The following THBS4 variants were observed in gnomAD, a reference collection of about 807,000 sequenced individuals.
THBS4 encodes thrombospondin 4.
THBS4 carries 90 observed loss-of-function variants against 115.7 expected under a neutral mutation model. That is an observed-to-expected ratio of 0.78 (90% CI 0.66 to 0.93). The LOEUF is 0.93. Ranked by LOEUF, THBS4 falls within the 40% of genes least tolerant of loss-of-function variation. The pLI is 0.00. For missense variants in THBS4, 1,087 were observed against 1,232.7 expected (o/e 0.88, Z 1.77); for synonymous variants, 460 against 479.3 (o/e 0.96, Z 0.53).
At chr5:80,047,782 C>T (rs974420479) in intron 2 of THBS4, among the ~76,000 whole-genome samples, 1 of 151,664 alleles carries the variant, frequency 6.6e-6, no homozygotes, top group African/African-American at 2.4e-5. Flanking sequence ...TACAGGCAGG[C>T]GCCACCACAC....
At chr5:80,004,824 G>A (rs969506327) in intron 2 of THBS4, among the ~76,000 whole-genome samples, 2 of 151,894 alleles carry the variant, frequency 1.3e-5, no homozygotes, top group Admixed American at 6.6e-5. Flanking sequence ...TGCAACCTCC[G>A]CCTCCCGGGT....
At chr5:80,055,695 A>C (rs1833400044) in intron 2 of THBS4, 90 bp from the exon 3 acceptor site, 1 of 1,522,802 alleles carries the variant, frequency 6.6e-7, no homozygotes, top group Non-Finnish European at 8.9e-7. Flanking sequence ...GAGGCTGTTC[A>C]GCACAGGACA....
In THBS4 at chr5:80,059,900, G is replaced by A; in HGVS notation, c.982G>A (p.Asp328Asn). 2.5e-6 allele frequency: 4 copies of A among 1,613,772 alleles called. No homozygotes were observed. Among genetic ancestry groups the A allele is most frequent in the South Asian group, 1.1e-5 (1 of 91,076 alleles). The change falls in exon 7 of 22, where the codon GAT (aspartate) becomes AAT (asparagine). Residue 328 changes from aspartate to asparagine, a missense_variant. This residue lies in a region of THBS4 where 979 missense variants were observed against 1,103.7 expected (regional missense o/e 0.89). Transcript: ENST00000350881. The part of the protein sequence containing the change: ...TGNGITCIDV[D>N]ECKYHPCYPG... The stretch of plus-strand genomic sequence containing the variant: ...AAACGGGATCACCTGTATTGATGTT[G>A]ATGAGGTAAAAGTTCACTTAGACTG...
chr5:80,077,993 G>A, intron 16 of THBS4, 56 bp from the exon 17 acceptor site: 1 of 1,420,224 alleles, frequency 7.0e-7, no homozygotes, highest in Non-Finnish European at 9.4e-7. Context: ...CCCTGCCAAG[G>A]AGTGGCGGTG....
intron 2 of THBS4, among the ~76,000 whole-genome samples, chr5:80,007,255 T>G (rs145996463): frequency 1.1e-3 from 166 of 152,358 alleles, no homozygotes; most frequent in African/African-American, 3.9e-3. Flanking sequence ...CATATGAATT[T>G]CACAGACATA....
intron 2 of THBS4, among the ~76,000 whole-genome samples, chr5:80,002,944 A>C (rs960182842): frequency 2.6e-5 from 4 of 151,686 alleles, no homozygotes; most frequent in Admixed American, 2.6e-4. Context: ...AAACAAAAAC[A>C]TGTTGTCTTT....
chr5:80,026,857 A>G (rs1028165125), intron 2 of THBS4, among the ~76,000 whole-genome samples: 1 of 152,114 alleles, frequency 6.6e-6, no homozygotes, highest in African/African-American at 2.4e-5. Flanking sequence ...CTTTCTGCCC[A>G]TTTACTTTTC....
chr5:80,022,858 A>G (rs2151159130), intron 2 of THBS4, among the ~76,000 whole-genome samples: 1 of 152,320 alleles, frequency 6.6e-6, no homozygotes, highest in South Asian at 2.1e-4. Flanking sequence ...TTCTAAAGCC[A>G]ATGTCATTCA....
intron 2 of THBS4, among the ~76,000 whole-genome samples, chr5:80,022,750 G>A (rs144962316): frequency 9.9e-5 from 15 of 152,150 alleles, no homozygotes; most frequent in Non-Finnish European, 2.2e-4. Context: ...TCATAAATAC[G>A]TTCATAACAA....
chr5:80,003,849 G>T (rs922454723), intron 2 of THBS4, among the ~76,000 whole-genome samples: 1 of 152,142 alleles, frequency 6.6e-6, no homozygotes, highest in East Asian at 1.9e-4. Flanking sequence ...ATCAAAAGCC[G>T]CTTGTTGAGA....
chr5:79,996,672 T>C (rs1433611453), intron 1 of THBS4, among the ~76,000 whole-genome samples: 1 of 152,222 alleles, frequency 6.6e-6, no homozygotes. Flanking sequence ...TATATACTGA[T>C]AGGGATTCAT....
chr5:80,067,883 T>C lies in THBS4; in HGVS notation c.1195-90T>C, dbSNP rs1833888403. 2.7e-6 allele frequency: 4 copies of C among 1,465,102 alleles called. No individual in the cohort carries two copies. In the African/African-American group the frequency reaches 4.2e-5, roughly 15 times the overall value. 90.8% of individuals were successfully genotyped at this position (1,465,102 alleles called of 1,614,324 possible). ...CTGATTCCTGCCAGCAATGAGTACC[T>C]GTGAAAATATACACAATAACTGTAC... On this transcript the variant is annotated intron_variant, in intron 9 of 21. Coordinates refer to ENST00000350881, the MANE Select transcript of THBS4 (RefSeq NM_003248.6).
rs777526743 is a variant in THBS4 at position 80,079,261 on chromosome 5, A to G, written c.2511+3A>G. The G allele has an allele frequency of 1.3e-6, 2 of 1,597,470 alleles. No individual in the cohort carries two copies. The highest frequency in any genetic ancestry group is 1.1e-5 in the South Asian group (1 of 88,694). Reference sequence around the variant, plus strand: ...CAGAACCTGGCATTCAGCTCAAGGTATTGGTGGTTTGAAGTCATTCATCTC... The same window carrying G: ...CAGAACCTGGCATTCAGCTCAAGGTGTTGGTGGTTTGAAGTCATTCATCTC... On this transcript the variant is annotated splice_donor_region_variant and intron_variant, in intron 19 of 21. Coordinates refer to ENST00000350881, the MANE Select transcript of THBS4 (RefSeq NM_003248.6).
At chr5:80,061,659 G>A (rs1390126948) in intron 7 of THBS4, 36 bp from the exon 8 acceptor site, 20 of 1,557,520 alleles carry the variant, frequency 1.3e-5, no homozygotes, top group African/African-American at 1.1e-4. Flanking sequence ...GTGTTTTCTC[G>A]GTGTGGCTAA....
Position 80,055,781 on chromosome 5 carries a change from C to T in THBS4, c.293-4C>T, listed in dbSNP as rs1165230774. The stretch of plus-strand genomic sequence containing the variant: ...ACCATTGGTTGACCTGTGCTTGCTT[C>T]CAGCCATCCTCCGTTACCTGAAGAA... On this transcript the variant is annotated splice_region_variant and splice_polypyrimidine_tract_variant and intron_variant, in intron 2 of 21. Transcript: ENST00000350881. 17 of 1,610,442 alleles carry T rather than the reference C, an allele frequency of 1.1e-5. No homozygotes were observed. Among genetic ancestry groups the T allele is most frequent in the Admixed American group, 1.7e-5 (1 of 59,906 alleles).
chr5:80,004,935 G>T (rs1049172343), intron 2 of THBS4, among the ~76,000 whole-genome samples: 2 of 151,814 alleles, frequency 1.3e-5, no homozygotes, highest in African/African-American at 4.8e-5. Flanking sequence ...AGGGGGTTTC[G>T]CCATGTTACC....
chr5:80,059,594 C>G, intron 6 of THBS4, 103 bp downstream of exon 6: 2 of 1,589,396 alleles, frequency 1.3e-6, no homozygotes, highest in East Asian at 4.5e-5. Flanking sequence ...AGGTCTACCA[C>G]ATAGTTGGAG....
chr5:80,007,485 C>G (rs1376322323), intron 2 of THBS4, among the ~76,000 whole-genome samples: 1 of 152,180 alleles, frequency 6.6e-6, no homozygotes, highest in African/African-American at 2.4e-5. Context: ...AGCTAGGTGG[C>G]TGGTGTTCGT....
intron 2 of THBS4, among the ~76,000 whole-genome samples, chr5:80,042,491 C>A (rs1265488462): frequency 6.6e-6 from 1 of 152,180 alleles, no homozygotes; most frequent in Non-Finnish European, 1.5e-5. Context: ...TCTAAATTGG[C>A]CAGTATGTGT....
Sources: gnomAD v4.1 joint callset for allele counts (sites outside exome capture counted in the v4.1 genomes callset) on GRCh38, gnomAD v4.1.1 for gene constraint, gnomAD v4.1.1 regional missense constraint, MANE v1.5 for transcripts, NCBI Gene and HGNC (gene_info 2026-07-23, HGNC 2026-07-21) for gene names.